The following IL19 variants were observed in gnomAD, a reference collection of about 807,000 sequenced individuals.
IL19 encodes interleukin 19, also known as interleukin-19.
A neutral mutation model predicts 19.5 loss-of-function variants in IL19; 15 were observed. The ratio of observed to expected loss-of-function variants is 0.77; its 90% CI spans 0.52 to 1.19. IL19 has a LOEUF of 1.19. Among genes scored for constraint, IL19 ranks in the 50% most tolerant of loss-of-function variants. The pLI is 0.00. For missense variants in IL19, 199 were observed against 213.1 expected, an observed-to-expected ratio of 0.93 and a Z score of 0.41; for synonymous variants, 78 against 78.3, an observed-to-expected ratio of 1.00 and a Z score of 0.02.
chr1:206,783,976 T>A (rs1012640669), intron 1 of IL19, among the ~76,000 whole-genome samples: 2 of 152,280 alleles, frequency 1.3e-5, no homozygotes, highest in Admixed American at 1.3e-4. Flanking sequence ...GTGGTTGATG[T>A]TTTTCCTTGG....
At chr1:206,828,065 T>C (rs1676487915) in intron 2 of IL19, among the ~76,000 whole-genome samples, 1 of 5,348 alleles carries the variant, frequency 1.9e-4, no homozygotes. Flanking sequence ...ACTCTTTTAG[T>C]CTATGAATTT....
At chr1:206,834,533 G>C in intron 2 of IL19, 1 of 697,664 alleles carries the variant, frequency 1.4e-6, no homozygotes, top group Non-Finnish European at 1.8e-6. Context: ...GCATTTGGTA[G>C]AATGGGAAGG....
At chr1:206,795,401 G>A (rs1278485823) in intron 1 of IL19, among the ~76,000 whole-genome samples, 1 of 152,196 alleles carries the variant, frequency 6.6e-6, no homozygotes, top group African/African-American at 2.4e-5. Flanking sequence ...TTTGGTCAGG[G>A]ATGAGGTTTG....
intron 2 of IL19, among the ~76,000 whole-genome samples, chr1:206,805,848 G>A (rs1675832027): frequency 6.6e-6 from 1 of 152,206 alleles, no homozygotes; most frequent in South Asian, 2.1e-4. Context: ...TCAGGAGTCT[G>A]GATCGTGTCA....
intron 1 of IL19, among the ~76,000 whole-genome samples, chr1:206,782,245 A>AT (rs1450799426): frequency 6.6e-6 from 1 of 151,924 alleles, no homozygotes; most frequent in Non-Finnish European, 1.5e-5. Context: ...AGTGTTCTGC[A>AT]TTTTTTTCCA....
chr1:206,813,535 A>T (rs551069084), intron 2 of IL19, among the ~76,000 whole-genome samples: 1 of 152,190 alleles, frequency 6.6e-6, no homozygotes, highest in East Asian at 2.0e-4. Context: ...AACTAAGACA[A>T]CAAGCACTGG....
In IL19 at chr1:206,798,872, C is replaced by G. The variant is rs1365321902; in HGVS notation, c.-137C>G. ...GATTTTCTCCATAGAGCGGTGCTTGCACACACTGACAGGAGTCCAAGAATG... is the reference window on the plus strand; with the variant it reads ...GATTTTCTCCATAGAGCGGTGCTTGGACACACTGACAGGAGTCCAAGAATG... On this transcript the variant is annotated 5_prime_UTR_variant, in exon 2 of 7. Coordinates refer to ENST00000659997, the MANE Select transcript of IL19 (RefSeq NM_153758.5). 1 of 1,545,886 alleles carries G rather than the reference C, an allele frequency of 6.5e-7. No homozygotes were observed. The highest frequency in any genetic ancestry group is 1.1e-5 in the South Asian group (1 of 89,040).
chr1:206,781,086 A>C (rs545902563), intron 1 of IL19, among the ~76,000 whole-genome samples: 1 of 152,144 alleles, frequency 6.6e-6, no homozygotes, highest in East Asian at 1.9e-4. Context: ...GTTATAAAGC[A>C]TAGTTTGGCC....
At chr1:206,776,494 A>G (rs1293707702) in intron 1 of IL19, among the ~76,000 whole-genome samples, 1 of 151,956 alleles carries the variant, frequency 6.6e-6, no homozygotes, top group Non-Finnish European at 1.5e-5. Context: ...TCTACAGTTT[A>G]CAAGATCTTA....
Position 206,839,789 on chromosome 1 carries a change from C to T in IL19, c.211-61C>T, listed in dbSNP as rs1165682652. On this transcript the variant is annotated intron_variant, in intron 4 of 6. Coordinates refer to ENST00000659997, the MANE Select transcript of IL19 (RefSeq NM_153758.5). ...TCGCTGCCCCTACTCAAATGGACTG[C>T]CCTGGTCTCCAACATAATGAGAGAA... The T allele has an allele frequency of 3.4e-6, 5 of 1,467,526 alleles. No individual in the cohort carries two copies. In the African/African-American group the frequency reaches 7.1e-5, roughly 21 times the overall value. 90.9% of individuals were successfully genotyped at this position (1,467,526 alleles called of 1,614,324 possible).
chr1:206,786,566 G>T (rs1286292945), intron 1 of IL19, among the ~76,000 whole-genome samples: 1 of 152,208 alleles, frequency 6.6e-6, no homozygotes, highest in Non-Finnish European at 1.5e-5. Context: ...GGTAAAATCA[G>T]AGGGCTTTAG....
intron 1 of IL19, among the ~76,000 whole-genome samples, chr1:206,781,928 T>G (rs1310410536): frequency 9.0e-6 from 1 of 110,518 alleles, no homozygotes; most frequent in Non-Finnish European, 1.9e-5. Context: ...TAGTTATATA[T>G]ACATATATAT....
intron 1 of IL19, among the ~76,000 whole-genome samples, chr1:206,777,836 G>C (rs1395060655): frequency 6.6e-6 from 1 of 152,218 alleles, no homozygotes; most frequent in Non-Finnish European, 1.5e-5. Flanking sequence ...AAATAGCTTT[G>C]CCAGCTTGAA....
chr1:206,819,129 A>G (rs1028790786), intron 2 of IL19, among the ~76,000 whole-genome samples: 1 of 151,572 alleles, frequency 6.6e-6, no homozygotes, highest in Non-Finnish European at 1.5e-5. Context: ...CTTTTAAGGG[A>G]TGGGTCTTGC....
chr1:206,815,609 T>C (rs1419170868), intron 2 of IL19, among the ~76,000 whole-genome samples: 2 of 152,200 alleles, frequency 1.3e-5, no homozygotes, highest in Non-Finnish European at 2.9e-5. Context: ...CACCACGATT[T>C]TGGAGATTAA....
chr1:206,829,944 C>A (rs1184994539), intron 2 of IL19, among the ~76,000 whole-genome samples: 2 of 152,232 alleles, frequency 1.3e-5, no homozygotes, highest in African/African-American at 4.8e-5. Context: ...TTGTGCTTCC[C>A]TCCCCAGGAG....
chr1:206,814,077 C>T (rs1263846496), intron 2 of IL19, among the ~76,000 whole-genome samples: 2 of 152,074 alleles, frequency 1.3e-5, no homozygotes, highest in African/African-American at 4.8e-5. Flanking sequence ...TTCTGAAGAT[C>T]CCTGGCTGAT....
intron 4 of IL19, among the ~76,000 whole-genome samples, chr1:206,838,095 A>G (rs989641255): frequency 6.6e-6 from 1 of 152,236 alleles, no homozygotes; most frequent in African/African-American, 2.4e-5. Context: ...ATGATCATAA[A>G]TTGTTTTAGA....
At chr1:206,834,218 C>G (rs1320203079) in intron 2 of IL19, 1 of 984,804 alleles carries the variant, frequency 1.0e-6, no homozygotes, top group African/African-American at 1.7e-5. Flanking sequence ...AGAAAGAAAA[C>G]AATTAAGGAA....
Sources: gnomAD v4.1 joint callset for allele counts (sites outside exome capture counted in the v4.1 genomes callset) on GRCh38, gnomAD v4.1.1 for gene constraint, MANE v1.5 for transcripts, NCBI Gene and HGNC (gene_info 2026-07-23, HGNC 2026-07-21) for gene names.